Variants in ABCC2 observed in about 807,000 individuals in gnomAD.
ABCC2 encodes the protein ATP binding cassette subfamily C member 2.
Under a neutral mutation model 173.4 loss-of-function variants are expected in ABCC2, and 157 were observed. The ratio of observed to expected loss-of-function variants is 0.91; its 90% confidence interval spans 0.80 to 1.03. The LOEUF is 1.03. Ranked by LOEUF, ABCC2 falls within the 50% of genes least tolerant of loss-of-function variation. ABCC2 has a pLI of 0.00. For missense variants in ABCC2, 1,822 were observed against 1,852.3 expected (o/e 0.98, Z 0.30); for synonymous variants, 657 against 693.5 (o/e 0.95, Z 0.83).
At chr10:99,819,025 G>A in intron 18 of ABCC2, 64 bp from the exon 19 acceptor site, 3 of 1,611,540 alleles carry the variant, frequency 1.9e-6, no homozygotes, top group Non-Finnish European at 2.5e-6. Flanking sequence ...GACATGTCTG[G>A]CAAGTAAGAC....
intron 30 of ABCC2, among the ~76,000 whole-genome samples, chr10:99,848,739 A>G (rs2039051105): frequency 1.3e-5 from 2 of 152,198 alleles, no homozygotes; most frequent in Non-Finnish European, 2.9e-5. Flanking sequence ...TAAAGCTCCC[A>G]ACGCCTAAAC....
At chr10:99,818,767 A>C (rs1296966354) in intron 17 of ABCC2, 23 bp from the exon 18 acceptor site, 2 of 1,613,572 alleles carry the variant, frequency 1.2e-6, no homozygotes, top group Non-Finnish European at 1.7e-6. Flanking sequence ...GTAGTGCTTA[A>C]TATGAATTAT....
chr10:99,789,703 C>A, intron 2 of ABCC2, among the ~76,000 whole-genome samples: 2 of 122,332 alleles, frequency 1.6e-5, no homozygotes, highest in African/African-American at 3.2e-5. Flanking sequence ...GAGCGAAACT[C>A]CGTCTCAAAA....
At chr10:99,796,541 G>C (rs1318817079) in intron 6 of ABCC2, among the ~76,000 whole-genome samples, 1 of 151,898 alleles carries the variant, frequency 6.6e-6, no homozygotes, top group Non-Finnish European at 1.5e-5. Context: ...ACAAGAAGCC[G>C]TGTGCAGTGG....
chr10:99,850,255 A>G (rs1436741814), intron 30 of ABCC2, among the ~76,000 whole-genome samples: 1 of 152,236 alleles, frequency 6.6e-6, no homozygotes, highest in Non-Finnish European at 1.5e-5. Flanking sequence ...AATACAAAGC[A>G]TGGTTCCTGG....
chr10:99,842,161 T>A, intron 26 of ABCC2, 68 bp downstream of exon 26: 7 of 1,602,036 alleles, frequency 4.4e-6, no homozygotes, highest in Non-Finnish European at 6.0e-6. Flanking sequence ...TGATGTATAC[T>A]GTGGAGTCTG....
chr10:99,844,435 GA>G lies in ABCC2; in HGVS notation c.3958del (p.Ile1320SerfsTer32). 6.2e-7 allele frequency: 1 copy of G among 1,614,116 alleles called. No individual in the cohort carries two copies. ...RPELDLVLRG[I>X]TCDIGSMEKI... ...CTGAGCTGGATCTGGTCCTCAGAGG[GA>G]TCACTTGTGACATCGGTAGCATGGA... On this transcript the variant is annotated frameshift_variant, in exon 28 of 32. Transcript: ENST00000647814. LOFTEE classifies it high-confidence loss of function.
Position 99,850,782 on chromosome 10 carries a change from C to T in ABCC2, c.4494C>T (p.Ile1498=), listed in dbSNP as rs539252097. The T allele has an allele frequency of 6.2e-7, 1 of 1,614,198 alleles. No homozygotes were observed. Among genetic ancestry groups the T allele is most frequent in the East Asian group, 2.2e-5 (1 of 44,886 alleles). ...VITIAHRLHT[I]MDSDKVMVLD... ...CCATCGCCCACAGGCTGCACACCAT[C>T]ATGGACAGTGACAAGTGAGTGTAGG... is the stretch of plus-strand genomic sequence containing the variant. Residue 1498 remains isoleucine (I), a synonymous_variant, in exon 31 of 32, where the codon ATC becomes ATT. Coordinates refer to ENST00000647814, the MANE Select transcript of ABCC2 (RefSeq NM_000392.5).
intron 9 of ABCC2, among the ~76,000 whole-genome samples, chr10:99,802,723 T>C (rs2038033299): frequency 6.6e-6 from 1 of 152,224 alleles, no homozygotes; most frequent in African/African-American, 2.4e-5. Flanking sequence ...ACACTGTCTT[T>C]GTGGGAATTA....
chr10:99,837,101 G>C (rs1234356095), intron 25 of ABCC2, among the ~76,000 whole-genome samples: 4 of 150,036 alleles, frequency 2.7e-5, no homozygotes, highest in Admixed American at 2.7e-4. Context: ...GGAATTATTG[G>C]TGCAGACATT....
intron 25 of ABCC2, among the ~76,000 whole-genome samples, chr10:99,841,668 A>C (rs2038946901): frequency 6.6e-6 from 1 of 152,216 alleles, no homozygotes. Flanking sequence ...GTAACATTGT[A>C]TATTAACAGT....
At chr10:99,816,921 C>T (rs2038428008) in intron 16 of ABCC2, among the ~76,000 whole-genome samples, 1 of 152,156 alleles carries the variant, frequency 6.6e-6, no homozygotes, top group Admixed American at 6.5e-5. Flanking sequence ...CAAAACCGGT[C>T]CCTGGTGCCA....
At chr10:99,792,506 G>T (rs903491567) in intron 3 of ABCC2, 147 bp downstream of exon 3, 8 of 1,248,510 alleles carry the variant, frequency 6.4e-6, no homozygotes, top group Admixed American at 2.0e-5. Flanking sequence ...GTTGGAATGG[G>T]GTGAAACAAA....
Position 99,834,504 on chromosome 10 carries a change from T to C in ABCC2, c.3383T>C (p.Ile1128Thr), listed in dbSNP as rs1324439156. Residue 1128 changes from isoleucine (I) to threonine (T), a missense_variant, in exon 24 of 32, where the codon ATT becomes ACT. Ile to Thr is a moderately conservative substitution (Grantham distance 89). Coordinates refer to ENST00000647814, the MANE Select transcript of ABCC2 (RefSeq NM_000392.5). ...MATPVFTIIV[I>T]PLGIIYVSVQ... ...ACTCCTGTCTTCACCATCATCGTCA[T>C]TCCTCTTGGCATTATTTATGTATCT... 6.2e-7 allele frequency: 1 copy of C among 1,614,200 alleles called. No individual in the cohort carries two copies. Among genetic ancestry groups the C allele is most frequent in the African/African-American group, 1.3e-5 (1 of 75,046 alleles).
intron 11 of ABCC2, among the ~76,000 whole-genome samples, chr10:99,806,187 G>A (rs1275371681): frequency 1.3e-5 from 2 of 151,652 alleles, no homozygotes; most frequent in Non-Finnish European, 2.9e-5. Flanking sequence ...TAGATCTAAA[G>A]GTTTGATTGA....
intron 16 of ABCC2, among the ~76,000 whole-genome samples, chr10:99,816,168 A>T (rs1033637675): frequency 2.0e-5 from 3 of 151,840 alleles, no homozygotes; most frequent in Non-Finnish European, 4.4e-5. Flanking sequence ...GGGTTTCACC[A>T]TCTTGGCCAG....
At position 99,834,294 on chromosome 10, in the gene ABCC2, AAC is replaced by A. The variant is rs2038784208; in HGVS notation, c.3259-84_3259-83del. The A allele has an allele frequency of 6.5e-6, 9 of 1,394,140 alleles. No individual in the cohort carries two copies. In the South Asian group the frequency reaches 1.1e-4, roughly 17 times the overall value. 86.4% of individuals were successfully genotyped at this position (1,394,140 alleles called of 1,614,324 possible). On this transcript the variant is annotated intron_variant, in intron 23 of 31. Coordinates refer to ENST00000647814, the MANE Select transcript of ABCC2 (RefSeq NM_000392.5). Reference sequence around the variant, plus strand: ...GGAGTACTGGGAACACACAGAATCCAACAGATTCCTTGCTAGAACTAGGAAGA... The same window carrying A: ...GGAGTACTGGGAACACACAGAATCCAAGATTCCTTGCTAGAACTAGGAAGA...
rs370178040 is a variant in ABCC2 at position 99,793,568 on chromosome 10, C to G, written c.351C>G (p.Ile117Met). 2.5e-6 allele frequency: 4 copies of G among 1,614,016 alleles called. No homozygotes were observed. Among genetic ancestry groups the G allele is most frequent in the African/African-American group, 2.7e-5 (2 of 74,920 alleles). Residue 117 changes from isoleucine to methionine, a missense_variant, in exon 4 of 32, where the codon ATC (isoleucine) becomes ATG (methionine). Physicochemically the swap from Ile to Met is conservative, Grantham distance 10. Transcript: ENST00000647814. ...CTCTCCAGCTCCTGGTTTTGCTGATCCAATACAGCAGACAATGGTGTGTAC... is the reference window on the plus strand; with the variant it reads ...CTCTCCAGCTCCTGGTTTTGCTGATGCAATACAGCAGACAATGGTGTGTAC... The part of the protein sequence containing the change: ...YLGTWLLVLL[I>M]QYSRQWCVQK...
In ABCC2 at chr10:99,797,189, T is replaced by C; in HGVS notation, c.725T>C (p.Phe242Ser). ...AAAACCAAGACATTAGTGAGCAAGT[T>C]TGAAACGCACATGAAGAGAGAGCTG... ...EMKTKTLVSK[F>S]ETHMKRELQK... Residue 242 changes from phenylalanine (F) to serine (S), a missense_variant, in exon 7 of 32, where the codon TTT becomes TCT. Physicochemically the swap from Phe to Ser is radical, Grantham distance 155. Transcript: ENST00000647814. The C allele has an allele frequency of 6.2e-7, 1 of 1,614,074 alleles. No individual in the cohort carries two copies. Among genetic ancestry groups the C allele is most frequent in the South Asian group, 1.1e-5 (1 of 91,068 alleles).
Sources: allele counts gnomAD v4.1 joint callset (sites outside exome capture counted in the v4.1 genomes callset), GRCh38; gene constraint gnomAD v4.1.1; transcripts MANE v1.5; gene names NCBI Gene and HGNC (gene_info 2026-07-23, HGNC 2026-07-21).